PHF11: variants seen among roughly 807,000 people sequenced by gnomAD.
PHF11 encodes the protein BRCA1 C-terminus-associated protein.
In PHF11, 38 loss-of-function variants were observed where a neutral mutation model predicts 40.5. The observed-to-expected ratio is 0.94, with a 90% confidence interval of 0.72 to 1.23. The LOEUF (loss-of-function observed/expected upper bound fraction) is 1.23, where lower values mean the gene tolerates loss of function less well. Ranked by LOEUF, PHF11 falls within the 50% of genes most tolerant of loss-of-function variation. The probability of loss-of-function intolerance (pLI) is 0.00; values close to 1 mark genes in which losing one functional copy is unlikely to be tolerated. For synonymous variants in PHF11, 127 were observed against 138.2 expected, an observed-to-expected ratio of 0.92 and a Z score of 0.57; for missense variants, 369 against 392.4, an observed-to-expected ratio of 0.94 and a Z score of 0.50.
chr13:49,517,976 CAACA>C (rs773295229), intron 3 of PHF11, 38 bp from the exon 4 acceptor site: 2 of 1,088,866 alleles, frequency 1.8e-6, no homozygotes, highest in Non-Finnish European at 2.6e-6. Context: ...TAACAAATAA[CAACA>C]AACAGGTACT....
At chr13:49,519,953 AT>A (rs769957202) in intron 4 of PHF11, among the ~76,000 whole-genome samples, 1 of 152,198 alleles carries the variant, frequency 6.6e-6, no homozygotes, top group Non-Finnish European at 1.5e-5. Context: ...AGTCAGCGCC[AT>A]CTGAAGAGGA....
intron 9 of PHF11, 38 bp downstream of exon 9, chr13:49,526,496 G>A (rs754564910): frequency 5.9e-6 from 6 of 1,022,622 alleles, no homozygotes; most frequent in East Asian, 4.9e-5. Context: ...GCATAGTTTT[G>A]AGAAATATTT....
chr13:49,504,604 C>A (rs1762180833), intron 1 of PHF11, among the ~76,000 whole-genome samples: 1 of 145,704 alleles, frequency 6.9e-6, no homozygotes, highest in Admixed American at 6.8e-5. Context: ...GGGGTCAGCC[C>A]CCCGCCCGGC....
At chr13:49,508,499 A>T (rs990152183) in intron 2 of PHF11, among the ~76,000 whole-genome samples, 6 of 150,782 alleles carry the variant, frequency 4.0e-5, no homozygotes, top group Non-Finnish European at 8.9e-5. Context: ...ATCTGTAGTC[A>T]TATAGAACTT....
rs779375450 is a variant in PHF11 at position 49,506,635 on chromosome 13, GTGTCTTTCAGGT to G, written c.98_109del (p.Val33_Val36del). 3.1e-6 allele frequency: 5 copies of G among 1,613,302 alleles called. No individual in the cohort carries two copies. Among genetic ancestry groups the G allele is most frequent in the Non-Finnish European group, 4.2e-6 (5 of 1,179,606 alleles). On this transcript the variant is annotated inframe_deletion and splice_region_variant, in exon 2 of 10. Coordinates refer to ENST00000378319, the MANE Select transcript of PHF11 (RefSeq NM_001040443.3). ...TTCTCACCAGGGATATTACTTATAG[GTGTCTTTCAGGT>G]TGCAGAAAAGATGGAAAAAAGGACA...
rs185569693 is a variant in PHF11, at chr13:49,496,895, G to C, written c.94+800G>C. Among the ~76,000 whole-genome samples the C allele has an allele frequency of 2.8e-3, 396 of 140,116 alleles. 8 individuals are homozygous for C. The highest frequency in any genetic ancestry group is 6.2e-4 in the Non-Finnish European group (41 of 66,206). The allele number at this position is 140,116 out of a possible 152,430, so 91.9% of individuals were successfully genotyped here. A position where few individuals can be genotyped will look rare whatever the true frequency, so the allele number is the denominator to read the frequency against. ...GTTGCCCAGGCTGGAGTGCAAAGGC[G>C]CTATCTCGGCCCACTGCAACCTCTG... On this transcript the variant is annotated intron_variant, in intron 1 of 9. Coordinates refer to ENST00000378319, the MANE Select transcript of PHF11 (RefSeq NM_001040443.3).
chr13:49,498,020 T>C (rs1426189747), intron 1 of PHF11, among the ~76,000 whole-genome samples: 1 of 152,192 alleles, frequency 6.6e-6, no homozygotes, highest in Non-Finnish European at 1.5e-5. Flanking sequence ...CTCCTTCTGC[T>C]CTATTCTTTC....
intron 1 of PHF11, among the ~76,000 whole-genome samples, chr13:49,504,705 T>C (rs1383754228): frequency 6.6e-6 from 1 of 151,642 alleles, no homozygotes; most frequent in Non-Finnish European, 1.5e-5. Context: ...CCACCCCGTC[T>C]GGGAGGTGTA....
chr13:49,521,280 T>C, intron 5 of PHF11: 1 of 1,011,038 alleles, frequency 9.9e-7, no homozygotes, highest in Non-Finnish European at 1.2e-6. Context: ...TTAAAAGTGC[T>C]GCACCTTCCC....
intron 1 of PHF11, among the ~76,000 whole-genome samples, chr13:49,504,443 G>A (rs1394529442): frequency 2.0e-5 from 3 of 151,736 alleles, no homozygotes; most frequent in Non-Finnish European, 2.9e-5. Context: ...GTGACAGAGC[G>A]AGACTCTGTC....
intron 1 of PHF11, chr13:49,496,319 A>G (rs1164891198): frequency 3.3e-6 from 3 of 918,598 alleles, no homozygotes; most frequent in Non-Finnish European, 4.2e-6. Flanking sequence ...GGCCAGTTCC[A>G]CAGGTGGCTC....
rs1157742748 is a variant in PHF11 at position 49,526,436 on chromosome 13, CA to C, written c.820del (p.Thr274HisfsTer3). The C allele has an allele frequency of 6.2e-7, 1 of 1,606,218 alleles. No homozygotes were observed. Reference sequence around the variant, plus strand: ...TTTTTGACTGTAGATTGTTCGAAGACACATTTGTAAATTTTCAAGCAGGTAT... The same window carrying C: ...TTTTTGACTGTAGATTGTTCGAAGACCATTTGTAAATTTTCAAGCAGGTAT... Reference protein sequence around the residue: ...ALFDCRLFEDTFVNFQAAIEK... With the variant: ...ALFDCRLFEDXFVNFQAAIEK... On this transcript the variant is annotated frameshift_variant, in exon 9 of 10. Transcript: ENST00000378319. LOFTEE classifies it low-confidence loss of function (END_TRUNC).
chr13:49,520,827 A>C, intron 4 of PHF11, 67 bp from the exon 5 acceptor site: 1 of 1,138,260 alleles, frequency 8.8e-7, no homozygotes, highest in Non-Finnish European at 1.3e-6. Context: ...TAATCACAAA[A>C]ATAGACATAA....
At chr13:49,512,439 A>G (rs1200057002) in intron 2 of PHF11, among the ~76,000 whole-genome samples, 1 of 152,192 alleles carries the variant, frequency 6.6e-6, no homozygotes, top group East Asian at 1.9e-4. Flanking sequence ...GCCTATGCCA[A>G]TGTCACCAAA....
chr13:49,508,507 C>T (rs1400244758), intron 2 of PHF11, among the ~76,000 whole-genome samples: 1 of 150,522 alleles, frequency 6.6e-6, no homozygotes, highest in East Asian at 1.9e-4. Context: ...TCATATAGAA[C>T]TTGGGGTTGG....
intron 2 of PHF11, among the ~76,000 whole-genome samples, chr13:49,508,166 A>G (rs1051758024): frequency 1.4e-5 from 2 of 147,866 alleles, no homozygotes; most frequent in Admixed American, 6.8e-5. Context: ...TATTATATGT[A>G]TTAATATATT....
At chr13:49,513,351 A>G (rs191180791) in intron 3 of PHF11, among the ~76,000 whole-genome samples, 185 bp downstream of exon 3, 2,615 of 140,130 alleles carry the variant, frequency 0.019, 84 homozygotes, top group African/African-American at 0.068. Flanking sequence ...TTTTTTTGAG[A>G]CGGAGTTTTG....
At chr13:49,518,904 C>T (rs1959174059) in intron 4 of PHF11, 1 of 148,748 alleles carries the variant, frequency 6.7e-6, no homozygotes, top group African/African-American at 2.5e-5. Flanking sequence ...GGCGCGATCT[C>T]GGCTCACTGC....
At chr13:49,514,762 TA>T (rs10715395) in intron 3 of PHF11, among the ~76,000 whole-genome samples, 92,052 of 143,650 alleles carry the variant, frequency 0.64, 29,168 homozygotes, top group African/African-American at 0.72. Context: ...TGTCTCAAAT[TA>T]AAAAAAAAAA....
Sources: allele counts gnomAD v4.1 joint callset (sites outside exome capture counted in the v4.1 genomes callset), GRCh38; gene constraint gnomAD v4.1.1; transcripts MANE v1.5; gene names NCBI Gene and HGNC (gene_info 2026-07-23, HGNC 2026-07-21).